MCTP2: variants seen among roughly 807,000 people sequenced by gnomAD.
The protein encoded by MCTP2 is multiple C2 and transmembrane domain containing 2.
In MCTP2, 132 loss-of-function variants were observed where a neutral mutation model predicts 111.6. That is an observed-to-expected ratio of 1.18 (90% CI 1.03 to 1.37). The LOEUF (loss-of-function observed/expected upper bound fraction) is 1.37. MCTP2 is among the 40% of genes most tolerant of loss of function. The probability of loss-of-function intolerance (pLI) is 0.00; values close to 1 mark genes in which losing one functional copy is unlikely to be tolerated. For missense variants in MCTP2, 1,183 were observed against 1,067.9 expected (o/e 1.11, Z -1.50); for synonymous variants, 395 against 387.7 (o/e 1.02, Z -0.22).
chr15:94,275,887 T>G (rs149976588), intron 1 of MCTP2, among the ~76,000 whole-genome samples: 2,014 of 151,156 alleles, frequency 0.013, 22 homozygotes, highest in Middle Eastern at 0.099. Flanking sequence ...TCGCTCTGTT[T>G]CCCAGGCTGG....
intron 10 of MCTP2, among the ~76,000 whole-genome samples, chr15:94,365,337 A>G (rs868707252): frequency 2.0e-5 from 3 of 152,164 alleles, no homozygotes; most frequent in Admixed American, 6.5e-5. Flanking sequence ...ACAAATGGCT[A>G]TTTTTCATGA....
At chr15:94,250,141 T>G (rs2072307958) in intron 1 of MCTP2, among the ~76,000 whole-genome samples, 1 of 152,206 alleles carries the variant, frequency 6.6e-6, no homozygotes, top group Admixed American at 6.5e-5. Context: ...TGTTTTTCAC[T>G]TAAAATTATA....
chr15:94,335,850 A>T (rs2077335920), intron 4 of MCTP2, among the ~76,000 whole-genome samples: 4 of 152,096 alleles, frequency 2.6e-5, no homozygotes, highest in Admixed American at 2.0e-4. Context: ...AAACAATTCT[A>T]TTTTTTTTCC....
At chr15:94,419,683 C>T (rs1327198829) in intron 17 of MCTP2, among the ~76,000 whole-genome samples, 2 of 151,998 alleles carry the variant, frequency 1.3e-5, no homozygotes, top group Non-Finnish European at 2.9e-5. Context: ...TATGTATCTT[C>T]ACCTCTTTTA....
intron 1 of MCTP2, among the ~76,000 whole-genome samples, chr15:94,289,272 A>G (rs771883214): frequency 6.6e-6 from 1 of 152,242 alleles, no homozygotes; most frequent in Admixed American, 6.5e-5. Context: ...CAATGATTCA[A>G]ATGGCTGAGA....
At chr15:94,437,529 A>G (rs1351367612) in intron 17 of MCTP2, among the ~76,000 whole-genome samples, 1 of 152,102 alleles carries the variant, frequency 6.6e-6, no homozygotes, top group African/African-American at 2.4e-5. Context: ...ATATAGAGAA[A>G]TAATCATTAT....
At chr15:94,413,242 G>C (rs1222305706) in intron 17 of MCTP2, among the ~76,000 whole-genome samples, 1 of 151,956 alleles carries the variant, frequency 6.6e-6, no homozygotes, top group Non-Finnish European at 1.5e-5. Flanking sequence ...TTTTTAATTT[G>C]ATACAATCGT....
chr15:94,349,200 T>C (rs1280950156), intron 8 of MCTP2, among the ~76,000 whole-genome samples: 1 of 152,138 alleles, frequency 6.6e-6, no homozygotes, highest in Non-Finnish European at 1.5e-5. Context: ...GCTTTCCTCC[T>C]CCCTGGAAGC....
chr15:94,384,179 G>A, intron 13 of MCTP2, 55 bp downstream of exon 13: 2 of 1,202,778 alleles, frequency 1.7e-6, no homozygotes, highest in Non-Finnish European at 2.4e-6. Flanking sequence ...GTAGTCTGGG[G>A]CTCTTGAGTG....
chr15:94,367,059 G>A (rs1465294093), intron 10 of MCTP2, among the ~76,000 whole-genome samples: 2 of 152,202 alleles, frequency 1.3e-5, no homozygotes, highest in Non-Finnish European at 2.9e-5. Context: ...AAACCCTGTG[G>A]CACTGTGCCT....
chr15:94,349,261 G>A (rs1192398225), intron 8 of MCTP2, among the ~76,000 whole-genome samples: 1 of 152,082 alleles, frequency 6.6e-6, no homozygotes, highest in African/African-American at 2.4e-5. Flanking sequence ...TTCAAAGCTT[G>A]TATGTACTCC....
intron 4 of MCTP2, among the ~76,000 whole-genome samples, chr15:94,332,293 A>G (rs2077167369): frequency 6.6e-6 from 1 of 150,400 alleles, no homozygotes; most frequent in African/African-American, 2.4e-5. Context: ...TTCTGGTGTC[A>G]AAGTCAGAAC....
intron 20 of MCTP2, among the ~76,000 whole-genome samples, chr15:94,463,068 C>T (rs748703657): frequency 1.3e-5 from 2 of 152,104 alleles, no homozygotes; most frequent in African/African-American, 2.4e-5. Context: ...GCAAATCTGA[C>T]AGGCTATGTG....
intron 20 of MCTP2, among the ~76,000 whole-genome samples, chr15:94,464,379 G>A (rs2152533690): frequency 6.6e-6 from 1 of 150,456 alleles, no homozygotes; most frequent in African/African-American, 2.4e-5. Context: ...TTGATTTAAT[G>A]TTGTTTATAA....
chr15:94,342,615 T>TATC (rs1173667895), intron 7 of MCTP2: 1 of 151,716 alleles, frequency 6.6e-6, no homozygotes, highest in Non-Finnish European at 1.5e-5. Context: ...CATATATATT[T>TATC]ATATATACAC....
chr15:94,312,109 G>T (rs1055143588), intron 2 of MCTP2, among the ~76,000 whole-genome samples: 1 of 152,174 alleles, frequency 6.6e-6, no homozygotes, highest in African/African-American at 2.4e-5. Context: ...TAGAACTGGA[G>T]ACCATAGCAT....
chr15:94,429,010 C>T (rs2083027486), intron 17 of MCTP2, among the ~76,000 whole-genome samples: 1 of 152,142 alleles, frequency 6.6e-6, no homozygotes, highest in Non-Finnish European at 1.5e-5. Context: ...TAGACAATTT[C>T]ATAACTTCTC....
intron 8 of MCTP2, among the ~76,000 whole-genome samples, chr15:94,351,875 CCTT>C (rs1011789374): frequency 2.0e-5 from 3 of 152,176 alleles, no homozygotes; most frequent in Admixed American, 1.3e-4. Context: ...TTCATGCCCT[CCTT>C]TTAGGATTTC....
Position 94,320,569 on chromosome 15 carries a change from C to G in MCTP2, c.637+4932C>G, listed in dbSNP as rs543764390. Among the ~76,000 whole-genome samples, 329 of 152,236 alleles carry G rather than the reference C, an allele frequency of 2.2e-3. 1 individual carries two copies. The highest frequency in any genetic ancestry group is 3.1e-3 in the Non-Finnish European group (214 of 68,024). ...GTGCTGGACTTAAGGAGCATTGAGG[C>G]CTGTTATACAAGGGAAAGTACCTTT... On this transcript the variant is annotated intron_variant, in intron 4 of 22. Coordinates refer to ENST00000357742, the MANE Select transcript of MCTP2 (RefSeq NM_001385001.1).
Sources: allele counts gnomAD v4.1 joint callset (sites outside exome capture counted in the v4.1 genomes callset), GRCh38; gene constraint gnomAD v4.1.1; transcripts MANE v1.5; gene names NCBI Gene and HGNC (gene_info 2026-07-23, HGNC 2026-07-21).